The following ROBO1 variants were observed in gnomAD, a reference collection of about 807,000 sequenced individuals.
ROBO1 encodes roundabout guidance receptor 1.
In ROBO1, 149 loss-of-function variants were observed where a neutral mutation model predicts 195.9. The ratio of observed to expected loss-of-function variants is 0.76; its 90% confidence interval spans 0.67 to 0.87. The LOEUF is 0.87. ROBO1 is among the 40% of genes least tolerant of loss of function. The probability of loss-of-function intolerance (pLI) is 0.00; values close to 1 mark genes in which losing one functional copy is unlikely to be tolerated. For missense variants in ROBO1, 1,933 were observed against 2,068.3 expected (o/e 0.93, Z 1.27); for synonymous variants, 816 against 733.2 (o/e 1.11, Z -1.82).
intron 2 of ROBO1, among the ~76,000 whole-genome samples, chr3:79,299,231 A>G (rs949182197): frequency 6.6e-6 from 1 of 152,196 alleles, no homozygotes; most frequent in Non-Finnish European, 1.5e-5. Context: ...AATAATTTCT[A>G]AAAATAAAAT....
intron 14 of ROBO1, among the ~76,000 whole-genome samples, chr3:78,663,436 G>T (rs976929248): frequency 6.6e-6 from 1 of 151,876 alleles, no homozygotes; most frequent in Admixed American, 6.6e-5. Context: ...CAGCCTCTAC[G>T]GAGTAAACAC....
intron 3 of ROBO1, among the ~76,000 whole-genome samples, chr3:78,945,714 C>T (rs1361624892): frequency 6.6e-6 from 1 of 152,118 alleles, no homozygotes; most frequent in Non-Finnish European, 1.5e-5. Context: ...GACGATCAAA[C>T]TACTCTGAGC....
chr3:79,148,663 T>C lies in ROBO1; in HGVS notation c.89-23124A>G, dbSNP rs143720005. 3.4e-4 allele frequency among the ~76,000 whole-genome samples: 51 copies of C among 151,982 alleles called. 2 individuals carry two copies. The East Asian group carries it at 9.4e-3, about 28-fold the overall frequency. On this transcript the variant is annotated intron_variant, in intron 2 of 30. Transcript: ENST00000464233. The stretch of plus-strand genomic sequence containing the variant: ...ATTAGACCTGTACATGATCATAAAG[T>C]AAGTTGTTAAATTCTGAAGCTGTCT...
At chr3:79,643,242 G>A (rs1188379738) in intron 1 of ROBO1, among the ~76,000 whole-genome samples, 1 of 152,124 alleles carries the variant, frequency 6.6e-6, no homozygotes, top group Non-Finnish European at 1.5e-5. Context: ...GTTTGCCAGG[G>A]GCTCCTGGGC....
chr3:78,916,996 A>G lies in ROBO1; in HGVS notation c.499+21605T>C, dbSNP rs117689686. Among the ~76,000 whole-genome samples, 217 of 152,282 alleles carry G rather than the reference A, an allele frequency of 1.4e-3. 4 individuals carry two copies. In the East Asian group the frequency reaches 0.033, roughly 23 times the overall value. On this transcript the variant is annotated intron_variant, in intron 4 of 30. Transcript: ENST00000464233. Reference sequence around the variant, plus strand: ...CATTAGCAAATCAGATAAGTCTGAAATTAAAATATTTCATTATGAGCTCTC... The same window carrying G: ...CATTAGCAAATCAGATAAGTCTGAAGTTAAAATATTTCATTATGAGCTCTC...
chr3:78,870,820 C>A (rs969925008), intron 4 of ROBO1, among the ~76,000 whole-genome samples: 1 of 152,096 alleles, frequency 6.6e-6, no homozygotes, highest in Non-Finnish European at 1.5e-5. Flanking sequence ...TGTCACAAGC[C>A]AACAGTACCT....
chr3:79,246,350 C>T (rs77699281), intron 2 of ROBO1, among the ~76,000 whole-genome samples: 23,630 of 152,030 alleles, frequency 0.16, 2,802 homozygotes, highest in African/African-American at 0.33. Flanking sequence ...TGATTAGTTG[C>T]AGAGTTAGCT....
chr3:79,214,263 C>T (rs961565549), intron 2 of ROBO1, among the ~76,000 whole-genome samples: 5 of 151,872 alleles, frequency 3.3e-5, no homozygotes, highest in African/African-American at 1.2e-4. Flanking sequence ...AAACAGCAAA[C>T]AGTTTATTAC....
chr3:78,956,079 G>A (rs560381632), intron 3 of ROBO1, among the ~76,000 whole-genome samples: 3 of 152,086 alleles, frequency 2.0e-5, no homozygotes, highest in Admixed American at 2.0e-4. Context: ...AAATTTGAAA[G>A]GTATTCCAAA....
intron 1 of ROBO1, among the ~76,000 whole-genome samples, chr3:79,667,951 A>G (rs886343085): frequency 1.3e-5 from 2 of 151,822 alleles, no homozygotes; most frequent in African/African-American, 2.4e-5. Flanking sequence ...TGCTTTAGGA[A>G]TTAAGACATA....
At chr3:78,999,960 C>T (rs888624443) in intron 3 of ROBO1, among the ~76,000 whole-genome samples, 3 of 152,108 alleles carry the variant, frequency 2.0e-5, no homozygotes, top group Non-Finnish European at 4.4e-5. Flanking sequence ...TCCCTTCTTG[C>T]ACTTCTATTA....
chr3:78,617,517 A>AAAC lies in ROBO1; in HGVS notation c.4282+117_4282+118insGTT. On this transcript the variant is annotated intron_variant, in intron 27 of 30. Coordinates refer to ENST00000464233, the MANE Select transcript of ROBO1 (RefSeq NM_002941.4). ...TTTCCTTAGGCAGCTAAAAAAAAAA[A>AAAC]AAAACTGTAAGAATAGATGCTTTTC... is the stretch of plus-strand genomic sequence containing the variant. 3.5e-6 allele frequency: 4 copies of AAAC among 1,136,898 alleles called. No individual in the cohort carries two copies. The South Asian group carries it at 8.3e-5, about 24-fold the overall frequency. The allele number at this position is 1,136,898 out of a possible 1,614,324, so 70.4% of individuals were successfully genotyped here. A position where few individuals can be genotyped will look rare whatever the true frequency, so the allele number is the denominator to read the frequency against.
chr3:79,518,348 T>C (rs983949205), intron 2 of ROBO1, among the ~76,000 whole-genome samples: 2 of 152,068 alleles, frequency 1.3e-5, no homozygotes, highest in African/African-American at 4.8e-5. Flanking sequence ...ACAAATATGA[T>C]GGCCAAGCTT....
chr3:78,678,483 T>C (rs1040264085), intron 10 of ROBO1, among the ~76,000 whole-genome samples: 3 of 152,046 alleles, frequency 2.0e-5, no homozygotes, highest in Non-Finnish European at 4.4e-5. Flanking sequence ...TAAAAAATGA[T>C]AAAGGGGATA....
chr3:79,294,285 A>T (rs574938588), intron 2 of ROBO1, among the ~76,000 whole-genome samples: 1 of 152,224 alleles, frequency 6.6e-6, no homozygotes, highest in Non-Finnish European at 1.5e-5. Flanking sequence ...ACGCCTCAGA[A>T]ATAATGCCAC....
chr3:78,780,973 A>G (rs2083659744), intron 4 of ROBO1, among the ~76,000 whole-genome samples: 1 of 152,160 alleles, frequency 6.6e-6, no homozygotes, highest in Non-Finnish European at 1.5e-5. Flanking sequence ...AGTCTCCATA[A>G]TCTATAATCA....
At chr3:79,074,097 T>G (rs2108444053) in intron 3 of ROBO1, among the ~76,000 whole-genome samples, 1 of 151,972 alleles carries the variant, frequency 6.6e-6, no homozygotes, top group East Asian at 1.9e-4. Context: ...TTTTATCTAT[T>G]AGACTAGAAA....
chr3:79,752,493 G>A (rs752664143), intron 1 of ROBO1, among the ~76,000 whole-genome samples: 1 of 152,046 alleles, frequency 6.6e-6, no homozygotes, highest in African/African-American at 2.4e-5. Context: ...CTTATAGAAA[G>A]GGCTTTAGAA....
chr3:78,900,906 C>CA (rs1157597895), intron 4 of ROBO1, among the ~76,000 whole-genome samples: 1 of 151,878 alleles, frequency 6.6e-6, no homozygotes, highest in Non-Finnish European at 1.5e-5. Flanking sequence ...ACAGAAGTTA[C>CA]AAAAAAGAAG....
Sources: gnomAD v4.1 joint callset for allele counts (sites outside exome capture counted in the v4.1 genomes callset) on GRCh38, gnomAD v4.1.1 for gene constraint, MANE v1.5 for transcripts, NCBI Gene and HGNC (gene_info 2026-07-23, HGNC 2026-07-21) for gene names.